EMP2: variants seen among roughly 807,000 people sequenced by gnomAD.
The protein encoded by EMP2 is epithelial membrane protein 2.
EMP2 carries 19 observed loss-of-function variants against 13.7 expected under a neutral mutation model. The ratio of observed to expected loss-of-function variants is 1.38; its 90% CI spans 0.97 to 2.03. The LOEUF is 2.03. Among genes scored for constraint, EMP2 ranks in the 30% most tolerant of loss-of-function variants. The pLI is 0.00. For synonymous variants in EMP2, 97 were observed against 84.7 expected (o/e 1.15, Z -0.80); for missense variants, 253 against 220.7 (o/e 1.15, Z -0.93).
At chr16:10,573,140 C>T (rs1462326303) in intron 1 of EMP2, among the ~76,000 whole-genome samples, 3 of 152,194 alleles carry the variant, frequency 2.0e-5, no homozygotes, top group Admixed American at 1.3e-4. Flanking sequence ...GCCTCAAACT[C>T]CTGGACTCAA....
chr16:10,565,250 C>A (rs1187623392), intron 1 of EMP2, among the ~76,000 whole-genome samples: 3 of 152,182 alleles, frequency 2.0e-5, no homozygotes, highest in African/African-American at 7.2e-5. Flanking sequence ...TCACTTAATG[C>A]GTCAACTTGT....
chr16:10,531,443 T>C lies in EMP2; in HGVS notation c.*1462A>G, dbSNP rs1388672516. 1.3e-5 allele frequency: 2 copies of C among 152,318 alleles called. No homozygotes were observed. Among genetic ancestry groups the C allele is most frequent in the African/African-American group, 2.4e-5 (1 of 41,446 alleles). 9.4% of individuals were successfully genotyped at this position (152,318 alleles called of 1,614,324 possible). A position where few individuals can be genotyped will look rare whatever the true frequency, so the allele number is the denominator to read the frequency against. On this transcript the variant is annotated 3_prime_UTR_variant, in exon 5 of 5. Transcript: ENST00000359543. ...CACCTCCCATTTCAAGTGATTCTCC[T>C]GCCTCAGCCACCTGATAGCTGGGAT...
chr16:10,566,146 G>C (rs753931743), intron 1 of EMP2, among the ~76,000 whole-genome samples: 1 of 152,176 alleles, frequency 6.6e-6, no homozygotes, highest in Non-Finnish European at 1.5e-5. Context: ...CTAAGCTTCA[G>C]AACAAGGGTT....
At chr16:10,571,387 A>G (rs2050946428) in intron 1 of EMP2, among the ~76,000 whole-genome samples, 1 of 151,524 alleles carries the variant, frequency 6.6e-6, no homozygotes, top group Non-Finnish European at 1.5e-5. Flanking sequence ...ACCACCAACC[A>G]CACTGGGGGC....
chr16:10,530,345 A>G lies in EMP2; in HGVS notation c.*2560T>C, dbSNP rs776584364. The G allele has an allele frequency of 6.6e-6, 1 of 152,516 alleles. No homozygotes were observed. Among genetic ancestry groups the G allele is most frequent in the Admixed American group, 6.5e-5 (1 of 15,272 alleles). 9.4% of individuals were successfully genotyped at this position (152,516 alleles called of 1,614,324 possible). On this transcript the variant is annotated 3_prime_UTR_variant, in exon 5 of 5. Coordinates refer to ENST00000359543, the MANE Select transcript of EMP2 (RefSeq NM_001424.6). Reference sequence around the variant, plus strand: ...ATGAAAGAGCAGATGGAAAGAGCCAATCCTGCATTGAAGAGATATCCATGG... The same window carrying G: ...ATGAAAGAGCAGATGGAAAGAGCCAGTCCTGCATTGAAGAGATATCCATGG...
chr16:10,539,367 A>G (rs998957998), intron 3 of EMP2, among the ~76,000 whole-genome samples: 55 of 152,312 alleles, frequency 3.6e-4, no homozygotes, highest in African/African-American at 1.3e-3. Context: ...TTCTGGCTAC[A>G]GATTACGGTT....
At chr16:10,549,102 T>C (rs1017055544) in intron 1 of EMP2, among the ~76,000 whole-genome samples, 2 of 152,320 alleles carry the variant, frequency 1.3e-5, no homozygotes, top group Admixed American at 6.5e-5. Context: ...CCATAGTAGG[T>C]TGAAGCCTCA....
chr16:10,579,730 A>ACACACT (rs1555461504), intron 1 of EMP2, among the ~76,000 whole-genome samples: 1 of 151,468 alleles, frequency 6.6e-6, no homozygotes, highest in Non-Finnish European at 1.5e-5. Flanking sequence ...ACACACACAC[A>ACACACT]CACACACACC....
At chr16:10,549,276 C>G (rs558536436) in intron 1 of EMP2, among the ~76,000 whole-genome samples, 6 of 152,218 alleles carry the variant, frequency 3.9e-5, no homozygotes, top group African/African-American at 1.4e-4. Context: ...TACAGTTGTC[C>G]AAAGTTGATA....
rs541100887 is a variant in EMP2, at chr16:10,562,432, C to G, written c.-60-14755G>C. Among the ~76,000 whole-genome samples, 17 of 150,566 alleles carry G rather than the reference C, an allele frequency of 1.1e-4. No homozygotes were observed. The East Asian group carries it at 3.2e-3, about 28-fold the overall frequency. ...TCTCTCTGCCCAGTAACTGTGTGAA[C>G]AAGCCCAGGCTGGCTTGCTGGAAGA... On this transcript the variant is annotated intron_variant, in intron 1 of 4. Transcript: ENST00000359543.
chr16:10,543,385 C>T (rs1011570533), intron 3 of EMP2, among the ~76,000 whole-genome samples, 185 bp downstream of exon 3: 4 of 152,284 alleles, frequency 2.6e-5, no homozygotes, highest in Non-Finnish European at 5.9e-5. Context: ...GGCTTCTCCA[C>T]ACCCCTGGCA....
At chr16:10,555,644 A>T (rs921200069) in intron 1 of EMP2, among the ~76,000 whole-genome samples, 1 of 151,852 alleles carries the variant, frequency 6.6e-6, no homozygotes, top group African/African-American at 2.4e-5. Context: ...CTGGAGTACA[A>T]TGGAGCGATC....
At position 10,537,981 on chromosome 16, in the gene EMP2, C is replaced by G. The variant is rs758651134; in HGVS notation, c.263G>C (p.Arg88Pro). 1.2e-6 allele frequency: 2 copies of G among 1,613,916 alleles called. No homozygotes were observed. The highest frequency in any genetic ancestry group is 1.3e-5 in the African/African-American group (1 of 74,888). ...GACAAACCTCTCTCCCTGCTTCAGG[C>G]GGAAGAGCTGGAGCACGAAGATGAA... ...AFFIFVLQLFRLKQGERFVLT... is the reference protein window; with the variant it reads ...AFFIFVLQLFPLKQGERFVLT... The change falls in exon 4 of 5, where the codon CGC (arginine) becomes CCC (proline). Residue 88 changes from arginine (R) to proline (P), a missense_variant. Transcript: ENST00000359543.
intron 1 of EMP2, among the ~76,000 whole-genome samples, chr16:10,574,451 C>T (rs1015098705): frequency 2.0e-5 from 3 of 152,194 alleles, no homozygotes; most frequent in Non-Finnish European, 4.4e-5. Flanking sequence ...TCATCCCTCC[C>T]TGCTCCATCT....
intron 4 of EMP2, among the ~76,000 whole-genome samples, chr16:10,534,933 C>G (rs1004213669): frequency 6.6e-6 from 1 of 152,176 alleles, no homozygotes; most frequent in African/African-American, 2.4e-5. Flanking sequence ...AGGGGCCAAG[C>G]GCGTAGACAA....
chr16:10,561,041 GGAA>G (rs1281692129), intron 1 of EMP2, among the ~76,000 whole-genome samples: 1 of 152,168 alleles, frequency 6.6e-6, no homozygotes, highest in Non-Finnish European at 1.5e-5. Flanking sequence ...GCAAACGTGG[GGAA>G]GCTATTGGAG....
chr16:10,566,601 G>A (rs568025282), intron 1 of EMP2, among the ~76,000 whole-genome samples: 1 of 152,310 alleles, frequency 6.6e-6, no homozygotes, highest in African/African-American at 2.4e-5. Flanking sequence ...ATCCCACTGT[G>A]CAGAAAACAG....
chr16:10,536,582 G>A (rs1273235183), intron 4 of EMP2, among the ~76,000 whole-genome samples: 1 of 152,208 alleles, frequency 6.6e-6, no homozygotes, highest in Admixed American at 6.5e-5. Context: ...CCCCAGCCAT[G>A]TGGAACTGTA....
In EMP2 at chr16:10,538,011, G is replaced by T. The variant is rs1372265065; in HGVS notation, c.233C>A (p.Ala78Asp). Residue 78 changes from alanine (A) to aspartate (D), a missense_variant, in exon 4 of 5, where the codon GCC becomes GAC. Coordinates refer to ENST00000359543, the MANE Select transcript of EMP2 (RefSeq NM_001424.6). Reference sequence around the variant, plus strand: ...GAGCTGGAGCACGAAGATGAAGAAGGCGATGCAGCAGAGAATGGTGGAGAG... The same window carrying T: ...GAGCTGGAGCACGAAGATGAAGAAGTCGATGCAGCAGAGAATGGTGGAGAG... The part of the protein sequence containing the change: ...MILSTILCCI[A>D]FFIFVLQLFR... The T allele has an allele frequency of 1.2e-6, 2 of 1,614,100 alleles. No homozygotes were observed. The highest frequency in any genetic ancestry group is 1.7e-5 in the Admixed American group (1 of 60,018).
Sources: gnomAD v4.1 joint callset for allele counts (sites outside exome capture counted in the v4.1 genomes callset) on GRCh38, gnomAD v4.1.1 for gene constraint, MANE v1.5 for transcripts, NCBI Gene and HGNC (gene_info 2026-07-23, HGNC 2026-07-21) for gene names.